Variants in TAS2R1 observed in about 807,000 individuals in gnomAD.
The protein encoded by TAS2R1 is taste 2 receptor member 1.
For missense variants in TAS2R1, 370 were observed against 353.4 expected, an observed-to-expected ratio of 1.05 and a Z score of -0.38; for synonymous variants, 141 against 134.2, an observed-to-expected ratio of 1.05 and a Z score of -0.35.
chr5:9,838,157 C>T, the TAS2R1 span, among the ~76,000 whole-genome samples: 1 of 152,104 alleles, frequency 6.6e-6, no homozygotes, highest in Non-Finnish European at 1.5e-5. Context: ...AGCACAGATC[C>T]CTGGGTATAG....
At chr5:9,865,781 C>T in the TAS2R1 span, among the ~76,000 whole-genome samples, 1 of 152,178 alleles carries the variant, frequency 6.6e-6, no homozygotes, top group African/African-American at 2.4e-5. Flanking sequence ...CTTCCTGTTT[C>T]CTTTCAAAGT....
At chr5:9,696,407 A>G (rs931583498) in intron 1 of TAS2R1, among the ~76,000 whole-genome samples, 2 of 151,714 alleles carry the variant, frequency 1.3e-5, no homozygotes, top group African/African-American at 4.8e-5. Flanking sequence ...TAAAAATACA[A>G]AAAAATTAGC....
chr5:9,847,304 T>G, the TAS2R1 span, among the ~76,000 whole-genome samples: 4 of 152,374 alleles, frequency 2.6e-5, no homozygotes, highest in Non-Finnish European at 4.4e-5. Context: ...TAAAGGGGTC[T>G]ATTTTAGATC....
chr5:9,675,777 A>T (rs1258029880), intron 1 of TAS2R1, among the ~76,000 whole-genome samples: 1 of 152,108 alleles, frequency 6.6e-6, no homozygotes, highest in Admixed American at 6.6e-5. Flanking sequence ...GATTTTCCAC[A>T]TATAAGATCA....
the TAS2R1 span, among the ~76,000 whole-genome samples, chr5:9,837,475 G>C: frequency 1.3e-5 from 2 of 152,180 alleles, no homozygotes; most frequent in Non-Finnish European, 2.9e-5. Flanking sequence ...GTAAATAGGC[G>C]GGCAGCTTCC....
the TAS2R1 span, among the ~76,000 whole-genome samples, chr5:9,848,925 A>G: frequency 2.0e-5 from 3 of 152,316 alleles, no homozygotes; most frequent in Non-Finnish European, 4.4e-5. Flanking sequence ...GAAACCGTCC[A>G]TGACAGGCAT....
At chr5:9,806,696 G>A in the TAS2R1 span, among the ~76,000 whole-genome samples, 53 of 152,076 alleles carry the variant, frequency 3.5e-4, no homozygotes, top group African/African-American at 1.1e-3. Flanking sequence ...GGCAAGCCAC[G>A]TGTAGAAGAA....
At chr5:9,630,697 T>A (rs1049667862), upstream of TAS2R1, among the ~76,000 whole-genome samples, 2 of 152,168 alleles carry the variant, frequency 1.3e-5, no homozygotes, top group Non-Finnish European at 2.9e-5. Context: ...TAAGGTGTAA[T>A]GAAATGAAGA....
chr5:9,694,848 T>C (rs1741326439), intron 1 of TAS2R1, among the ~76,000 whole-genome samples: 1 of 152,262 alleles, frequency 6.6e-6, no homozygotes, highest in Non-Finnish European at 1.5e-5. Flanking sequence ...TTCTGTAGAA[T>C]TCACCAGTGT....
At chr5:9,718,110 C>T in the TAS2R1 span, among the ~76,000 whole-genome samples, 2 of 151,848 alleles carry the variant, frequency 1.3e-5, no homozygotes, top group African/African-American at 4.8e-5. Context: ...CAGGCACACG[C>T]CACCATGCCC....
the TAS2R1 span, among the ~76,000 whole-genome samples, chr5:9,866,411 G>C: frequency 6.6e-6 from 1 of 151,714 alleles, no homozygotes; most frequent in Non-Finnish European, 1.5e-5. Flanking sequence ...TTATTTTTTT[G>C]TACACCTGTT....
At chr5:9,744,186 A>G in the TAS2R1 span, among the ~76,000 whole-genome samples, 4 of 152,184 alleles carry the variant, frequency 2.6e-5, no homozygotes, top group Non-Finnish European at 5.9e-5. Flanking sequence ...CAGACTCTGG[A>G]AAACATAGGT....
chr5:9,791,448 C>T, the TAS2R1 span, among the ~76,000 whole-genome samples: 2 of 152,190 alleles, frequency 1.3e-5, no homozygotes, highest in Non-Finnish European at 2.9e-5. Context: ...CCTGTGGTCC[C>T]GGCACTTTGG....
At chr5:9,762,266 ACC>A in the TAS2R1 span, among the ~76,000 whole-genome samples, 1 of 152,040 alleles carries the variant, frequency 6.6e-6, no homozygotes, top group African/African-American at 2.4e-5. Context: ...AAAATAAAAG[ACC>A]CCTATGTAGC....
the TAS2R1 span, among the ~76,000 whole-genome samples, chr5:9,871,204 T>C: frequency 2.6e-5 from 4 of 151,764 alleles, no homozygotes; most frequent in Admixed American, 2.0e-4. Flanking sequence ...AAGGAGAGAA[T>C]TGGATTAAGA....
intron 1 of TAS2R1, among the ~76,000 whole-genome samples, chr5:9,688,385 A>T (rs936364401): frequency 1.3e-5 from 2 of 152,204 alleles, no homozygotes; most frequent in African/African-American, 4.8e-5. Flanking sequence ...ACCAATGAAA[A>T]AGGAATACAT....
At chr5:9,639,193 C>G (rs767403572) in intron 2 of TAS2R1, among the ~76,000 whole-genome samples, 1 of 152,172 alleles carries the variant, frequency 6.6e-6, no homozygotes, top group African/African-American at 2.4e-5. Flanking sequence ...CACCCTGTGA[C>G]CCCTCCGCAG....
At chr5:9,863,681 A>G in the TAS2R1 span, among the ~76,000 whole-genome samples, 1 of 152,222 alleles carries the variant, frequency 6.6e-6, no homozygotes, top group African/African-American at 2.4e-5. Context: ...TCAGGGCTTT[A>G]TACTCCAAAC....
At chr5:9,747,051 C>T in the TAS2R1 span, among the ~76,000 whole-genome samples, 2 of 152,178 alleles carry the variant, frequency 1.3e-5, no homozygotes, top group South Asian at 2.1e-4. Context: ...ACAAAGGAGA[C>T]TAAGTTCATG....
Sources: gnomAD v4.1 joint callset for allele counts (sites outside exome capture counted in the v4.1 genomes callset) on GRCh38, gnomAD v4.1.1 for gene constraint, MANE v1.5 for transcripts, NCBI Gene and HGNC (gene_info 2026-07-23, HGNC 2026-07-21) for gene names.